The following GRIN2A variants were observed in gnomAD, a reference collection of about 807,000 sequenced individuals.
The protein encoded by GRIN2A is glutamate receptor ionotropic, NMDA 2A.
In GRIN2A, 22 loss-of-function variants were observed where a neutral mutation model predicts 113.4. The observed-to-expected ratio is 0.19, with a 90% CI of 0.14 to 0.28. The LOEUF (loss-of-function observed/expected upper bound fraction) is 0.28. GRIN2A is among the 10% of genes least tolerant of loss of function. The probability of loss-of-function intolerance (pLI) is 1.00; values close to 1 mark genes in which losing one functional copy is unlikely to be tolerated. For synonymous variants in GRIN2A, 827 were observed against 738.4 expected (o/e 1.12, Z -1.94); for missense variants, 1,502 against 1,887.0 (o/e 0.80, Z 3.78).
chr16:10,023,759 A>C (rs990605273), intron 2 of GRIN2A, among the ~76,000 whole-genome samples: 12 of 152,154 alleles, frequency 7.9e-5, no homozygotes, highest in African/African-American at 2.9e-4. Flanking sequence ...TCACAAGTCC[A>C]CTCATTTGCA....
At chr16:9,836,642 T>C (rs2042587413) in intron 7 of GRIN2A, among the ~76,000 whole-genome samples, 1 of 152,210 alleles carries the variant, frequency 6.6e-6, no homozygotes, top group Admixed American at 6.5e-5. Context: ...GCTGCAGTAG[T>C]CTTGTTTTAG....
intron 3 of GRIN2A, among the ~76,000 whole-genome samples, chr16:9,935,822 C>T (rs1184378304): frequency 6.6e-6 from 1 of 152,118 alleles, no homozygotes; most frequent in Non-Finnish European, 1.5e-5. Context: ...CTGCCTCAGC[C>T]TCATGAGTAG....
At chr16:10,014,133 T>C (rs987235882) in intron 2 of GRIN2A, among the ~76,000 whole-genome samples, 1 of 152,152 alleles carries the variant, frequency 6.6e-6, no homozygotes, top group African/African-American at 2.4e-5. Flanking sequence ...AATGGGTAGG[T>C]GGTGAGTTGT....
chr16:9,949,522 A>T (rs542135957), intron 2 of GRIN2A, among the ~76,000 whole-genome samples: 54 of 151,444 alleles, frequency 3.6e-4, no homozygotes, highest in African/African-American at 1.3e-3. Flanking sequence ...CGGAAGAGAA[A>T]AATGAACAGA....
chr16:10,138,078 C>G (rs1401675900), intron 2 of GRIN2A, among the ~76,000 whole-genome samples: 1 of 152,216 alleles, frequency 6.6e-6, no homozygotes, highest in Non-Finnish European at 1.5e-5. Flanking sequence ...CTAGTTCTGT[C>G]ATCACCAAGG....
intron 2 of GRIN2A, among the ~76,000 whole-genome samples, chr16:10,048,467 A>G (rs967905364): frequency 1.3e-5 from 2 of 152,224 alleles, no homozygotes; most frequent in Non-Finnish European, 2.9e-5. Context: ...TATTTGCCCA[A>G]AGGATAATTC....
At chr16:10,093,525 A>G (rs1260721920) in intron 2 of GRIN2A, among the ~76,000 whole-genome samples, 2 of 152,106 alleles carry the variant, frequency 1.3e-5, no homozygotes, top group African/African-American at 2.4e-5. Flanking sequence ...AAGTGACAGT[A>G]TTATAGTCAG....
chr16:9,852,378 A>G (rs191954486), intron 4 of GRIN2A, among the ~76,000 whole-genome samples: 517 of 152,340 alleles, frequency 3.4e-3, no homozygotes, highest in African/African-American at 0.011. Context: ...TAAGGCAAAG[A>G]CTAGCAGAAT....
At chr16:9,871,448 G>C (rs1367280310) in intron 4 of GRIN2A, among the ~76,000 whole-genome samples, 5 of 149,770 alleles carry the variant, frequency 3.3e-5, no homozygotes, top group Non-Finnish European at 7.4e-5. Flanking sequence ...AAAAAAAAAG[G>C]TAAAACAACC....
At chr16:10,114,186 G>A (rs1047003881) in intron 2 of GRIN2A, among the ~76,000 whole-genome samples, 3 of 152,066 alleles carry the variant, frequency 2.0e-5, no homozygotes, top group Admixed American at 2.0e-4. Context: ...GCAAGACCCT[G>A]CCTCTAAAGA....
intron 2 of GRIN2A, among the ~76,000 whole-genome samples, chr16:10,065,461 G>T (rs998461725): frequency 2.0e-5 from 3 of 152,158 alleles, no homozygotes; most frequent in Non-Finnish European, 2.9e-5. Flanking sequence ...TCTCTCTAAG[G>T]TCAGATCTTC....
intron 2 of GRIN2A, among the ~76,000 whole-genome samples, chr16:10,083,193 A>G (rs1437029612): frequency 6.6e-6 from 1 of 152,264 alleles, no homozygotes; most frequent in African/African-American, 2.4e-5. Context: ...AAGCTACAGT[A>G]GAGACAATGC....
intron 4 of GRIN2A, among the ~76,000 whole-genome samples, chr16:9,884,750 CTTTTTT>C (rs34469635): frequency 8.0e-6 from 1 of 125,320 alleles, no homozygotes. Context: ...TAGAGAATTT[CTTTTTT>C]TTTTTTTTTT....
chr16:10,085,652 G>C (rs997320960), intron 2 of GRIN2A, among the ~76,000 whole-genome samples: 53 of 152,248 alleles, frequency 3.5e-4, no homozygotes, highest in African/African-American at 1.3e-3. Context: ...TGGTTGGTTG[G>C]AAACAGTGAT....
chr16:9,842,573 A>G (rs563610818), intron 5 of GRIN2A, among the ~76,000 whole-genome samples: 276 of 152,366 alleles, frequency 1.8e-3, no homozygotes, highest in African/African-American at 5.3e-3. Context: ...ACACAGTAGT[A>G]CAAACAGAAT....
chr16:9,853,194 G>A (rs575492778), intron 4 of GRIN2A, among the ~76,000 whole-genome samples: 1 of 152,178 alleles, frequency 6.6e-6, no homozygotes, highest in Admixed American at 6.5e-5. Context: ...CAGATAGGTG[G>A]AGACCAGAAA....
chr16:9,797,049 TAAG>T (rs1279926343), intron 11 of GRIN2A, among the ~76,000 whole-genome samples: 3 of 152,228 alleles, frequency 2.0e-5, no homozygotes, highest in South Asian at 2.1e-4. Context: ...AGAAAGAAGA[TAAG>T]AAGCCACAAG....
intron 2 of GRIN2A, among the ~76,000 whole-genome samples, chr16:9,995,745 T>C (rs2046210644): frequency 6.6e-6 from 1 of 152,012 alleles, no homozygotes; most frequent in Admixed American, 6.6e-5. Flanking sequence ...TTCCTTTGAG[T>C]GGGTCCCCCT....
intron 2 of GRIN2A, among the ~76,000 whole-genome samples, chr16:10,104,330 C>T (rs8048653): frequency 0.84 from 127,204 of 152,062 alleles, 53,987 homozygotes; most frequent in East Asian, 0.95. Context: ...AGTCACAGGG[C>T]GAGGGGTGTG....
Sources: gnomAD v4.1 joint callset for allele counts (sites outside exome capture counted in the v4.1 genomes callset) on GRCh38, gnomAD v4.1.1 for gene constraint, MANE v1.5 for transcripts, NCBI Gene and HGNC (gene_info 2026-07-23, HGNC 2026-07-21) for gene names.